The following RBM47 variants were observed in gnomAD, a reference collection of about 807,000 sequenced individuals.
The protein encoded by RBM47 is RNA-binding protein 47.
A neutral mutation model predicts 47.1 loss-of-function variants in RBM47; 21 were observed. The ratio of observed to expected loss-of-function variants is 0.45; its 90% CI spans 0.32 to 0.64. The LOEUF (loss-of-function observed/expected upper bound fraction) is 0.64, where lower values mean the gene tolerates loss of function less well. RBM47 is among the 30% of genes least tolerant of loss of function. RBM47 has a pLI of 0.05. For synonymous variants in RBM47, 375 were observed against 361.7 expected (o/e 1.04, Z -0.42); for missense variants, 708 against 870.9 (o/e 0.81, Z 2.35).
chr4:40,434,230 C>T (rs1409244510), intron 5 of RBM47, among the ~76,000 whole-genome samples: 1 of 152,110 alleles, frequency 6.6e-6, no homozygotes, highest in African/African-American at 2.4e-5. Context: ...AATCTTTTAC[C>T]TGCCTTTCCA....
At chr4:40,437,090 A>AAAAAAAAAAAAAAATATAT (rs1256296949) in intron 4 of RBM47, among the ~76,000 whole-genome samples, 11 of 49,842 alleles carry the variant, frequency 2.2e-4, no homozygotes, top group African/African-American at 5.5e-4. Flanking sequence ...AAAAAAAAAA[A>AAAAAAAAAAAAAAATATAT]ATATATATAT....
intron 1 of RBM47, among the ~76,000 whole-genome samples, chr4:40,622,031 G>C (rs1365652970): frequency 6.6e-6 from 1 of 152,212 alleles, no homozygotes; most frequent in Non-Finnish European, 1.5e-5. Context: ...AACGCATTCA[G>C]TCACGCTTGA....
chr4:40,433,390 CCCT>C (rs1711677992), intron 5 of RBM47, among the ~76,000 whole-genome samples: 1 of 152,170 alleles, frequency 6.6e-6, no homozygotes, highest in Non-Finnish European at 1.5e-5. Context: ...AGGTAACTCC[CCCT>C]GCCTGTTGTG....
At chr4:40,470,590 TAC>T (rs771455599) in intron 2 of RBM47, among the ~76,000 whole-genome samples, 9 of 152,184 alleles carry the variant, frequency 5.9e-5, no homozygotes, top group Non-Finnish European at 1.3e-4. Context: ...TTGAAATTAA[TAC>T]ATTTATTTTT....
In RBM47 at chr4:40,430,726, A is replaced by G. The variant is rs572353271; in HGVS notation, c.1542+1925T>C. On this transcript the variant is annotated intron_variant, in intron 6 of 6. Transcript: ENST00000295971. ...GAATCATTGAGGAGCTGTGCAAAAT[A>G]TCAATTCTAGGACTCCAGCCCAGTT... Among the ~76,000 whole-genome samples, 6 of 152,318 alleles carry G rather than the reference A, an allele frequency of 3.9e-5. No homozygotes were observed. The South Asian group carries it at 1.2e-3, about 32-fold the overall frequency.
chr4:40,500,141 C>T (rs970210461), intron 2 of RBM47, among the ~76,000 whole-genome samples: 2 of 152,118 alleles, frequency 1.3e-5, no homozygotes, highest in African/African-American at 4.8e-5. Flanking sequence ...AGAGTGAAAT[C>T]CCGTTCTACT....
At chr4:40,591,920 G>A (rs961593892) in intron 1 of RBM47, among the ~76,000 whole-genome samples, 1 of 152,160 alleles carries the variant, frequency 6.6e-6, no homozygotes, top group African/African-American at 2.4e-5. Flanking sequence ...GTAAATTTAT[G>A]TGAAAATGGA....
Position 40,428,916 on chromosome 4 carries a change from G to T in RBM47, c.1543-2773C>A, listed in dbSNP as rs184174817. Among the ~76,000 whole-genome samples, 8 of 152,234 alleles carry T rather than the reference G, an allele frequency of 5.3e-5. No individual in the cohort carries two copies. In the East Asian group the frequency reaches 1.5e-3, roughly 29 times the overall value. On this transcript the variant is annotated intron_variant, in intron 6 of 6. Coordinates refer to ENST00000295971, the MANE Select transcript of RBM47 (RefSeq NM_001098634.2). ...TTATCTGTAAAATGAGAATATATGGGGAAGCACTTGGTTTTGCTTTCCATG... is the reference window on the plus strand; with the variant it reads ...TTATCTGTAAAATGAGAATATATGGTGAAGCACTTGGTTTTGCTTTCCATG...
intron 1 of RBM47, among the ~76,000 whole-genome samples, chr4:40,567,106 A>C (rs1193562228): frequency 1.3e-5 from 2 of 152,002 alleles, no homozygotes; most frequent in Non-Finnish European, 2.9e-5. Flanking sequence ...ATAGTGATCC[A>C]TGTTCACACA....
At chr4:40,453,870 C>CTCTCCAAG (rs1473332047) in intron 3 of RBM47, among the ~76,000 whole-genome samples, 2 of 151,964 alleles carry the variant, frequency 1.3e-5, no homozygotes, top group African/African-American at 4.8e-5. Context: ...AAGAAATAAT[C>CTCTCCAAG]TCTCCAAGAG....
chr4:40,439,761 T>C (rs977859800), intron 3 of RBM47, among the ~76,000 whole-genome samples: 1 of 152,192 alleles, frequency 6.6e-6, no homozygotes, highest in Admixed American at 6.5e-5. Context: ...CATGGGGAAA[T>C]AGGCTTAGGT....
In RBM47 at chr4:40,432,741, T is replaced by C. The variant is rs756689460; in HGVS notation, c.1452A>G (p.Pro484=). ...CGGCGGCAGCAGCACTGGCTGGGTC[T>C]GGCTGCACAGCAATGGGGCTGATCA... is the stretch of plus-strand genomic sequence containing the variant. The part of the protein sequence containing the change: ...EHMISPIAVQ[P]DPASAAAAAA... The change falls in exon 6 of 7, where the codon CCA becomes CCG. Residue 484 remains proline, a synonymous_variant. Transcript: ENST00000295971. 1.9e-6 allele frequency: 3 copies of C among 1,612,832 alleles called. No homozygotes were observed. Among genetic ancestry groups the C allele is most frequent in the Non-Finnish European group, 2.5e-6 (3 of 1,179,722 alleles).
rs1231031813 is a variant in RBM47, at chr4:40,423,650, CTTTTTCTTTCTT to C, written c.*2242_*2253del. The stretch of plus-strand genomic sequence containing the variant: ...TATCATTTTTTTTTATTCTTTCTTT[CTTTTTCTTTCTT>C]TCTTTCTTTCTTTCTTTCTTTCTTT... On this transcript the variant is annotated 3_prime_UTR_variant, in exon 7 of 7. Coordinates refer to ENST00000295971, the MANE Select transcript of RBM47 (RefSeq NM_001098634.2). The C allele has an allele frequency of 5.6e-4, 76 of 135,016 alleles. No homozygotes were observed. The highest frequency in any genetic ancestry group is 8.8e-4 in the Non-Finnish European group (55 of 62,484). 8.4% of individuals were successfully genotyped at this position (135,016 alleles called of 1,614,324 possible).
chr4:40,591,874 C>T (rs141888400), intron 1 of RBM47, among the ~76,000 whole-genome samples: 121 of 152,090 alleles, frequency 8.0e-4, no homozygotes, highest in African/African-American at 2.7e-3. Flanking sequence ...AGAAAGAGCA[C>T]GTAATGCTCA....
intron 1 of RBM47, among the ~76,000 whole-genome samples, chr4:40,583,388 G>GGA (rs1733166027): frequency 1.1e-5 from 1 of 91,102 alleles, no homozygotes. Context: ...CTCCATCTCA[G>GGA]AAAAAAAAAA....
At chr4:40,507,737 G>A (rs1275809275) in intron 2 of RBM47, among the ~76,000 whole-genome samples, 1 of 151,850 alleles carries the variant, frequency 6.6e-6, no homozygotes, top group African/African-American at 2.4e-5. Context: ...AGTGACCCGA[G>A]ATCGCGCCAC....
chr4:40,573,795 G>GAA (rs1553903525), intron 1 of RBM47, among the ~76,000 whole-genome samples: 1 of 51,034 alleles, frequency 2.0e-5, no homozygotes, highest in African/African-American at 2.9e-4. Flanking sequence ...GAGAGAGAGA[G>GAA]AGAAAGAAAG....
chr4:40,574,072 G>A (rs73235649), intron 1 of RBM47, among the ~76,000 whole-genome samples: 3,869 of 152,256 alleles, frequency 0.025, 63 homozygotes, highest in Non-Finnish European at 0.036. Context: ...AAATAATGAG[G>A]AAGAACAGGG....
At chr4:40,499,724 A>C (rs1723093677) in intron 2 of RBM47, among the ~76,000 whole-genome samples, 1 of 152,226 alleles carries the variant, frequency 6.6e-6, no homozygotes, top group Non-Finnish European at 1.5e-5. Flanking sequence ...TAGAATTTAA[A>C]AAATTAAGTT....
Sources: allele counts gnomAD v4.1 joint callset (sites outside exome capture counted in the v4.1 genomes callset), GRCh38; gene constraint gnomAD v4.1.1; transcripts MANE v1.5; gene names NCBI Gene and HGNC (gene_info 2026-07-23, HGNC 2026-07-21).